SLC10A7: variants seen among roughly 807,000 people sequenced by gnomAD.
SLC10A7 encodes sodium/bile acid cotransporter 7.
Under a neutral mutation model 43.2 loss-of-function variants are expected in SLC10A7, and 29 were observed. That is an observed-to-expected ratio of 0.67 (90% CI 0.50 to 0.92). The LOEUF (loss-of-function observed/expected upper bound fraction) is 0.92, where lower values mean the gene tolerates loss of function less well. Among genes scored for constraint, SLC10A7 ranks in the 40% least tolerant of loss-of-function variants. SLC10A7 has a pLI of 0.00. For missense variants in SLC10A7, 295 were observed against 403.2 expected, an observed-to-expected ratio of 0.73 and a Z score of 2.30; for synonymous variants, 152 against 144.8, an observed-to-expected ratio of 1.05 and a Z score of -0.35.
At chr4:146,349,941 A>G (rs2149740936) in intron 5 of SLC10A7, among the ~76,000 whole-genome samples, 1 of 152,274 alleles carries the variant, frequency 6.6e-6, no homozygotes, top group South Asian at 2.1e-4. Context: ...ATTATTTCAT[A>G]TACCCTAGTA....
At chr4:146,399,564 A>C (rs569314533) in intron 5 of SLC10A7, among the ~76,000 whole-genome samples, 2 of 152,320 alleles carry the variant, frequency 1.3e-5, no homozygotes, top group Non-Finnish European at 2.9e-5. Flanking sequence ...AAATGAGTTA[A>C]TGGCATCTTG....
At chr4:146,465,249 A>G (rs1270358510) in intron 4 of SLC10A7, among the ~76,000 whole-genome samples, 1 of 152,156 alleles carries the variant, frequency 6.6e-6, no homozygotes, top group Non-Finnish European at 1.5e-5. Context: ...TCTTCTAAAC[A>G]CATACAAAAA....
chr4:146,258,625 C>T (rs774541074), intron 11 of SLC10A7, 67 bp downstream of exon 11: 2 of 1,476,418 alleles, frequency 1.4e-6, no homozygotes, highest in Non-Finnish European at 9.1e-7. Flanking sequence ...AGTGTATGAA[C>T]AGTTCAGATT....
At chr4:146,506,219 C>A (rs528678732) in intron 3 of SLC10A7, among the ~76,000 whole-genome samples, 1 of 152,076 alleles carries the variant, frequency 6.6e-6, no homozygotes, top group Non-Finnish European at 1.5e-5. Context: ...CAAGATTGTG[C>A]CACTGCACTC....
At chr4:146,317,944 C>T (rs1175162818) in intron 6 of SLC10A7, among the ~76,000 whole-genome samples, 3 of 151,950 alleles carry the variant, frequency 2.0e-5, no homozygotes, top group African/African-American at 2.4e-5. Flanking sequence ...GACTTCTAGG[C>T]TCCATAATTG....
intron 5 of SLC10A7, chr4:146,441,755 T>C: frequency 1.0e-6 from 1 of 983,746 alleles, no homozygotes; most frequent in Non-Finnish European, 1.2e-6. Flanking sequence ...GGATATAAGC[T>C]ATGCATATAT....
At chr4:146,515,027 G>T (rs1737817039) in intron 2 of SLC10A7, 2 of 672,672 alleles carry the variant, frequency 3.0e-6, no homozygotes, top group Non-Finnish European at 2.7e-6. Flanking sequence ...GACTCTGAAG[G>T]TTTCTTAGGT....
At chr4:146,318,310 C>G (rs1732465304) in intron 6 of SLC10A7, among the ~76,000 whole-genome samples, 1 of 152,044 alleles carries the variant, frequency 6.6e-6, no homozygotes, top group South Asian at 2.1e-4. Flanking sequence ...GATGAAATAG[C>G]TCTTGTTAAG....
intron 4 of SLC10A7, among the ~76,000 whole-genome samples, chr4:146,467,693 G>T (rs1281835543): frequency 6.7e-6 from 1 of 150,114 alleles, no homozygotes; most frequent in Admixed American, 6.7e-5. Flanking sequence ...CTCCCAAGTA[G>T]CTGGGAGTAC....
chr4:146,340,567 T>C (rs1734197351), intron 5 of SLC10A7, among the ~76,000 whole-genome samples: 3 of 150,418 alleles, frequency 2.0e-5, no homozygotes, highest in African/African-American at 7.4e-5. Context: ...AGAGAGTGAT[T>C]AGACTTTTAG....
At chr4:146,419,141 T>C (rs1728781795) in intron 5 of SLC10A7, among the ~76,000 whole-genome samples, 1 of 152,188 alleles carries the variant, frequency 6.6e-6, no homozygotes, top group Admixed American at 6.5e-5. Flanking sequence ...TGGATTTTTA[T>C]GGAGGCTTCA....
chr4:146,260,037 T>A (rs1344392368), intron 10 of SLC10A7, among the ~76,000 whole-genome samples: 1 of 152,226 alleles, frequency 6.6e-6, no homozygotes, highest in Non-Finnish European at 1.5e-5. Context: ...ATGCACAAAA[T>A]GTGTTTCATG....
chr4:146,414,073 C>A (rs1728389233), intron 5 of SLC10A7, among the ~76,000 whole-genome samples: 1 of 152,064 alleles, frequency 6.6e-6, no homozygotes, highest in Admixed American at 6.6e-5. Context: ...AGGGTCCTTG[C>A]TTGAAAGGGA....
chr4:146,308,808 G>GAAA (rs1731761053), intron 6 of SLC10A7, among the ~76,000 whole-genome samples: 2 of 152,108 alleles, frequency 1.3e-5, no homozygotes, highest in Non-Finnish European at 2.9e-5. Context: ...CTTTAAAGGA[G>GAAA]AAAACTCACC....
Position 146,510,060 on chromosome 4 carries a change from T to C in SLC10A7, c.184-11A>G. The C allele has an allele frequency of 1.9e-6, 3 of 1,589,620 alleles. No individual in the cohort carries two copies. The highest frequency in any genetic ancestry group is 2.6e-6 in the Non-Finnish European group (3 of 1,172,016). Reference sequence around the variant, plus strand: ...AGCACTGGTCAGCTCCTGGAAAAATTAAGGAAACAAAATAAACAAAGGTAA... The same window carrying C: ...AGCACTGGTCAGCTCCTGGAAAAATCAAGGAAACAAAATAAACAAAGGTAA... On this transcript the variant is annotated splice_polypyrimidine_tract_variant and intron_variant, in intron 2 of 11. Transcript: ENST00000335472.
At chr4:146,374,193 C>T (rs1482079402) in intron 5 of SLC10A7, among the ~76,000 whole-genome samples, 1 of 152,050 alleles carries the variant, frequency 6.6e-6, no homozygotes, top group East Asian at 1.9e-4. Flanking sequence ...TACCTCACAG[C>T]GTTTTGTCGA....
At chr4:146,378,043 T>A (rs1737332177) in intron 5 of SLC10A7, among the ~76,000 whole-genome samples, 1 of 152,192 alleles carries the variant, frequency 6.6e-6, no homozygotes, top group Non-Finnish European at 1.5e-5. Flanking sequence ...TCTCTATTCT[T>A]AGAGCATCTA....
chr4:146,422,314 C>T (rs889598019), intron 5 of SLC10A7, among the ~76,000 whole-genome samples: 5 of 152,122 alleles, frequency 3.3e-5, no homozygotes, highest in African/African-American at 1.2e-4. Flanking sequence ...AAACATCAGT[C>T]TTTTCCTTTA....
intron 7 of SLC10A7, among the ~76,000 whole-genome samples, chr4:146,296,891 C>T (rs1730823355): frequency 6.6e-6 from 1 of 152,152 alleles, no homozygotes; most frequent in South Asian, 2.1e-4. Context: ...TAGCCACTTA[C>T]ACTTTTGATA....
Sources: gnomAD v4.1 joint callset for allele counts (sites outside exome capture counted in the v4.1 genomes callset) on GRCh38, gnomAD v4.1.1 for gene constraint, MANE v1.5 for transcripts, NCBI Gene and HGNC (gene_info 2026-07-23, HGNC 2026-07-21) for gene names.